The following HTR1F variants were observed in gnomAD, a reference collection of about 807,000 sequenced individuals.
HTR1F encodes 5-hydroxytryptamine (serotonin) receptor 1F, G protein-coupled.
HTR1F carries 17 observed loss-of-function variants against 24.0 expected under a neutral mutation model. That is an observed-to-expected ratio of 0.71 (90% CI 0.48 to 1.06). The LOEUF is 1.06. Ranked by LOEUF, HTR1F falls within the 50% of genes least tolerant of loss-of-function variation. The pLI, the probability that HTR1F is intolerant of heterozygous loss-of-function variation, is 0.00. For missense variants in HTR1F, 391 were observed against 427.8 expected, an observed-to-expected ratio of 0.91 and a Z score of 0.76; for synonymous variants, 186 against 156.8, an observed-to-expected ratio of 1.19 and a Z score of -1.39.
chr3:87,961,923 AT>A (rs1467905237), intron 2 of HTR1F, among the ~76,000 whole-genome samples: 1 of 152,016 alleles, frequency 6.6e-6, no homozygotes, highest in Non-Finnish European at 1.5e-5. Context: ...AACAATACAT[AT>A]TTTTGTCAGT....
chr3:87,987,521 C>A (rs1705687894), intron 2 of HTR1F, among the ~76,000 whole-genome samples: 1 of 150,388 alleles, frequency 6.6e-6, no homozygotes, highest in South Asian at 2.1e-4. Flanking sequence ...TTCATATCAA[C>A]TGAAAAGAAT....
At chr3:87,937,866 G>A (rs1704463662) in intron 2 of HTR1F, among the ~76,000 whole-genome samples, 1 of 151,440 alleles carries the variant, frequency 6.6e-6, no homozygotes, top group Admixed American at 6.6e-5. Context: ...AGAGGTTGCA[G>A]TGAGCCGAGA....
At chr3:87,982,380 T>C (rs1705564020) in intron 2 of HTR1F, among the ~76,000 whole-genome samples, 1 of 152,188 alleles carries the variant, frequency 6.6e-6, no homozygotes, top group Non-Finnish European at 1.5e-5. Context: ...AAGAAGAAAG[T>C]CTGTCTTGGA....
chr3:87,933,873 T>A (rs1704347398), intron 2 of HTR1F, among the ~76,000 whole-genome samples: 2 of 152,292 alleles, frequency 1.3e-5, no homozygotes, highest in Admixed American at 6.5e-5. Flanking sequence ...TCATGGGCAG[T>A]AGCATGCTCT....
rs577945691 is a variant in HTR1F, at chr3:87,990,996, T to C, written c.247T>C (p.Tyr83His). The C allele has an allele frequency of 1.2e-4, 193 of 1,614,074 alleles. No homozygotes were observed. Among genetic ancestry groups the C allele is most frequent in the Non-Finnish European group, 1.5e-4 (176 of 1,180,044 alleles). ...CCTGGTGATGCCCTTCAGCATTGTG[T>C]ATATTGTGAGAGAGAGCTGGATTAT... ...AVLVMPFSIV[Y>H]IVRESWIMGQ... The change falls in exon 3 of 3, where the codon TAT becomes CAT. Residue 83 changes from tyrosine to histidine, a missense_variant. By Grantham distance (83) the Tyr-to-His change is moderately conservative (BLOSUM62 2). Transcript: ENST00000319595.
chr3:87,806,929 A>T (rs1198705731), intron 1 of HTR1F, among the ~76,000 whole-genome samples: 1 of 152,062 alleles, frequency 6.6e-6, no homozygotes, highest in African/African-American at 2.4e-5. Flanking sequence ...ATCAAAAATC[A>T]GTTGGCTGTA....
chr3:87,984,369 G>T (rs1363811168), intron 2 of HTR1F, among the ~76,000 whole-genome samples: 8 of 151,490 alleles, frequency 5.3e-5, no homozygotes, highest in Non-Finnish European at 1.2e-4. Flanking sequence ...ACAAAGTGTT[G>T]TTTTGTTTTG....
At chr3:87,966,373 C>T (rs543913102) in intron 2 of HTR1F, among the ~76,000 whole-genome samples, 1 of 152,300 alleles carries the variant, frequency 6.6e-6, no homozygotes, top group Admixed American at 6.5e-5. Context: ...GATATCAGAA[C>T]TGTTACATAA....
chr3:87,857,021 G>C (rs1000880590), intron 2 of HTR1F, among the ~76,000 whole-genome samples: 2 of 151,994 alleles, frequency 1.3e-5, no homozygotes, highest in East Asian at 1.9e-4. Context: ...AGACTTATTA[G>C]TGTTTTCATT....
At chr3:87,811,557 T>A (rs538851066) in intron 1 of HTR1F, among the ~76,000 whole-genome samples, 1 of 152,204 alleles carries the variant, frequency 6.6e-6, no homozygotes, top group African/African-American at 2.4e-5. Flanking sequence ...TATGGAAAGA[T>A]GTTTTTAAAG....
chr3:87,987,894 A>G lies in HTR1F; in HGVS notation c.-42-2814A>G, dbSNP rs546502000. Among the ~76,000 whole-genome samples, 46 of 149,122 alleles carry G rather than the reference A, an allele frequency of 3.1e-4. No homozygotes were observed. The Middle Eastern group carries it at 0.014, about 46-fold the overall frequency. ...TATGCCAGTGTAAAATAATTTAAGA[A>G]ACTCCAAGAAATAAGAATGTAAAAA... On this transcript the variant is annotated intron_variant, in intron 2 of 2. Transcript: ENST00000319595.
At chr3:87,915,340 C>A (rs1482439224) in intron 2 of HTR1F, among the ~76,000 whole-genome samples, 1 of 152,048 alleles carries the variant, frequency 6.6e-6, no homozygotes, top group Non-Finnish European at 1.5e-5. Flanking sequence ...GCAGTGAATC[C>A]AAACCAGGAA....
chr3:87,969,274 A>G (rs1462135897), intron 2 of HTR1F, among the ~76,000 whole-genome samples: 2 of 152,202 alleles, frequency 1.3e-5, no homozygotes, highest in Non-Finnish European at 2.9e-5. Context: ...AGGTCCACTG[A>G]CAGCTTGCGC....
In HTR1F at chr3:87,903,279, T is replaced by A. The variant is rs576764004; in HGVS notation, c.-43+81155T>A. ...CAAAAGCCAAAATTGACAAATGGGA[T>A]CTAATTAAACTAAAGAGCTTCTGCA... On this transcript the variant is annotated intron_variant, in intron 2 of 2. Transcript: ENST00000319595. Among the ~76,000 whole-genome samples, 294 of 148,180 alleles carry A rather than the reference T, an allele frequency of 2.0e-3. 1 individual carries two copies. Among genetic ancestry groups the A allele is most frequent in the Non-Finnish European group, 3.5e-3 (235 of 66,368 alleles).
intron 1 of HTR1F, among the ~76,000 whole-genome samples, chr3:87,813,704 GA>G: frequency 6.6e-6 from 1 of 152,316 alleles, no homozygotes; most frequent in East Asian, 1.9e-4. Flanking sequence ...CACATGTCGA[GA>G]AAGGGAGGTG....
At chr3:87,886,037 A>C (rs1387846613) in intron 2 of HTR1F, among the ~76,000 whole-genome samples, 1 of 152,186 alleles carries the variant, frequency 6.6e-6, no homozygotes, top group African/African-American at 2.4e-5. Context: ...GACACGACAA[A>C]AAAAGACAAT....
chr3:87,942,505 G>A (rs1454149439), intron 2 of HTR1F, among the ~76,000 whole-genome samples: 1 of 149,190 alleles, frequency 6.7e-6, no homozygotes, highest in Non-Finnish European at 1.5e-5. Flanking sequence ...TCTGGTTAGT[G>A]GCTTCTGACT....
chr3:87,846,589 T>C lies in HTR1F; in HGVS notation c.-43+24465T>C, dbSNP rs529413768. Among the ~76,000 whole-genome samples the C allele has an allele frequency of 7.2e-5, 11 of 152,140 alleles. 2 individuals carry two copies. The highest frequency in any genetic ancestry group is 2.7e-4 in the African/African-American group (11 of 41,388). ...CAGCTAGATAGCAACATAGTCAGCA[T>C]TTCAATTTTTTTGTTTGTTTGTTTG... On this transcript the variant is annotated intron_variant, in intron 2 of 2. Transcript: ENST00000319595.
In HTR1F at chr3:87,891,301, TA is replaced by T. The variant is rs142998497; in HGVS notation, c.-43+69185del. ...ATAAATTGAGTGTTTTTTGTTAAAA[TA>T]AAAAAAATGCCATTCTCCATTTTTC... On this transcript the variant is annotated intron_variant, in intron 2 of 2. Transcript: ENST00000319595. Among the ~76,000 whole-genome samples the T allele has an allele frequency of 1.8e-4, 27 of 151,994 alleles. No individual in the cohort carries two copies. In the East Asian group the frequency reaches 1.9e-3, roughly 11 times the overall value.
Sources: allele counts gnomAD v4.1 joint callset (sites outside exome capture counted in the v4.1 genomes callset), GRCh38; gene constraint gnomAD v4.1.1; transcripts MANE v1.5; gene names NCBI Gene and HGNC (gene_info 2026-07-23, HGNC 2026-07-21).